The following LYST variants were observed in gnomAD, a reference collection of about 807,000 sequenced individuals.
LYST encodes the protein lysosomal trafficking regulator.
A neutral mutation model predicts 413.6 loss-of-function variants in LYST; 192 were observed. The ratio of observed to expected loss-of-function variants is 0.46; its 90% CI spans 0.41 to 0.52. The LOEUF (loss-of-function observed/expected upper bound fraction) is 0.52, where lower values mean the gene tolerates loss of function less well. Ranked by LOEUF, LYST falls within the 20% of genes least tolerant of loss-of-function variation. The probability of loss-of-function intolerance (pLI) is 0.00; values close to 1 mark genes in which losing one functional copy is unlikely to be tolerated. For synonymous variants in LYST, 1,525 were observed against 1,567.3 expected, an observed-to-expected ratio of 0.97 and a Z score of 0.64; for missense variants, 3,815 against 4,499.9, an observed-to-expected ratio of 0.85 and a Z score of 4.35.
intron 3 of LYST, among the ~76,000 whole-genome samples, chr1:235,817,439 C>G (rs758862332): frequency 1.2e-4 from 19 of 152,160 alleles, no homozygotes; most frequent in Non-Finnish European, 2.5e-4. Context: ...TTCACCACAG[C>G]ACTATTCACA....
intron 31 of LYST, chr1:235,736,058 AT>A (rs1664791173): frequency 6.6e-6 from 1 of 152,166 alleles, no homozygotes; most frequent in Non-Finnish European, 1.5e-5. Context: ...AAATGTTTTT[AT>A]TCATTGTGAA....
chr1:235,670,576 C>T (rs1313282031), intron 50 of LYST, among the ~76,000 whole-genome samples: 2 of 152,050 alleles, frequency 1.3e-5, no homozygotes, highest in Non-Finnish European at 2.9e-5. Context: ...ATGAATATAC[C>T]GAGACTCTCA....
intron 42 of LYST, chr1:235,712,628 A>G: frequency 1.0e-6 from 1 of 985,172 alleles, no homozygotes; most frequent in Non-Finnish European, 1.2e-6. Context: ...ATCAGGAAGC[A>G]TGATTCCTTC....
intron 28 of LYST, among the ~76,000 whole-genome samples, chr1:235,746,893 T>C (rs1665974740): frequency 6.6e-6 from 1 of 152,244 alleles, no homozygotes; most frequent in Non-Finnish European, 1.5e-5. Context: ...AATCAAGTTT[T>C]AATGCACATA....
rs753801553 is a variant in LYST at position 235,808,903 on chromosome 1, T to C, written c.1915A>G (p.Ile639Val). Residue 639 changes from isoleucine (I) to valine (V), a missense_variant, in exon 5 of 53, where the codon ATT becomes GTT. Physicochemically the swap from Ile to Val is conservative, Grantham distance 29 (BLOSUM62 3). Around this residue, in one of 4 missense-constraint regions of LYST, gnomAD observed 1,648 missense variants for 1,810.3 expected, o/e 0.91. Transcript: ENST00000389793. Reference protein sequence around the residue: ...SPKIKKAACNICTVDSDQLAQ... With the variant: ...SPKIKKAACNVCTVDSDQLAQ... ...AGTTGGTCAGAGTCAACAGTACAAATATTACAAGCTGCTTTTTTAATTTTT... is the reference window on the plus strand; with the variant it reads ...AGTTGGTCAGAGTCAACAGTACAAACATTACAAGCTGCTTTTTTAATTTTT... 4.3e-6 allele frequency: 7 copies of C among 1,612,940 alleles called. No homozygotes were observed. The highest frequency in any genetic ancestry group is 3.3e-5 in the South Asian group (3 of 90,990).
chr1:235,855,836 GAAAC>G (rs1350786309), intron 1 of LYST, among the ~76,000 whole-genome samples: 1 of 151,746 alleles, frequency 6.6e-6, no homozygotes. Flanking sequence ...TAATTCTTAA[GAAAC>G]AAAAAAATTA....
rs1660211359 is a variant in LYST at position 235,686,237 on chromosome 1, C to T, written c.10800+712G>A. Among the ~76,000 whole-genome samples, 3 of 152,058 alleles carry T rather than the reference C, an allele frequency of 2.0e-5. No homozygotes were observed. Among genetic ancestry groups the T allele is most frequent in the African/African-American group, 7.2e-5 (3 of 41,408 alleles). On this transcript the variant is annotated intron_variant, in intron 48 of 52. Transcript: ENST00000389793. This position sits in a 1 kb window ranked among gnomAD's most constrained non-coding sequence, Gnocchi z 4.0. ...CAAAACTTGGCCGGGCGTGGTGGCA[C>T]ATGCCTGTGGTCCCAGCTACTCGAG...
At chr1:235,823,206 AGCACC>A (rs912563882) in intron 3 of LYST, among the ~76,000 whole-genome samples, 6 of 152,204 alleles carry the variant, frequency 3.9e-5, no homozygotes, top group African/African-American at 1.4e-4. Context: ...CTCCATGGAT[AGCACC>A]ACTGTCGAGT....
Position 235,810,026 on chromosome 1 carries a change from TA to T in LYST, c.791del (p.Leu264TyrfsTer2). The T allele has an allele frequency of 6.2e-7, 1 of 1,614,012 alleles. No homozygotes were observed. Among genetic ancestry groups the T allele is most frequent in the Middle Eastern group, 1.6e-4 (1 of 6,062 alleles). On this transcript the variant is annotated frameshift_variant, in exon 5 of 53. Transcript: ENST00000389793. LOFTEE classifies it high-confidence loss of function. Reference sequence around the variant, plus strand: ...CGTCAAACTTACAAACTTTTTCTAATAAAGATAACAAAACATGACATAAGTC... The same window carrying T: ...CGTCAAACTTACAAACTTTTTCTAATAAGATAACAAAACATGACATAAGTC... ...PFDLCHVLLS[L>X]LEKVCKFDVT...
Position 235,729,627 on chromosome 1 carries a change from T to G in LYST, c.9075A>C (p.Pro3025=). 5.0e-6 allele frequency: 8 copies of G among 1,611,992 alleles called. No individual in the cohort carries two copies. Among genetic ancestry groups the G allele is most frequent in the Non-Finnish European group, 6.8e-6 (8 of 1,178,254 alleles). The change falls in exon 37 of 53, where the codon CCA becomes CCC. Residue 3025 remains proline, a synonymous_variant. Coordinates refer to ENST00000389793, the MANE Select transcript of LYST (RefSeq NM_000081.4). The stretch of plus-strand genomic sequence containing the variant: ...ACAATTCACCAGCTGTCTCTCTAGA[T>G]GGTGCAACACTGATGCATCTTCGAT... ...RVNRRCISVA[P]SRETAGELLL... is the part of the protein sequence containing the mutation.
At chr1:235,741,838 G>A (rs1317545450) in intron 30 of LYST, among the ~76,000 whole-genome samples, 1 of 152,174 alleles carries the variant, frequency 6.6e-6, no homozygotes, top group African/African-American at 2.4e-5. Flanking sequence ...ACTCAAAATA[G>A]CCAAAAGGTG....
chr1:235,712,704 C>T (rs961851167), intron 42 of LYST: 4 of 984,648 alleles, frequency 4.1e-6, no homozygotes, highest in South Asian at 9.4e-5. Flanking sequence ...CGGGGGGGTG[C>T]GTAGGTTACG....
rs747500733 is a variant in LYST at position 235,746,491 on chromosome 1, A to G, written c.7817T>C (p.Leu2606Pro). The G allele has an allele frequency of 6.2e-7, 1 of 1,613,852 alleles. No individual in the cohort carries two copies. Among genetic ancestry groups the G allele is most frequent in the South Asian group, 1.1e-5 (1 of 91,074 alleles). ...RKFPLAQTES[L>P]LMKMRSVAND... Reference sequence around the variant, plus strand: ...TGCCACTGAACGCATTTTCATCAGAAGCGATTCAGTTTGAGCAAGGGGAAA... The same window carrying G: ...TGCCACTGAACGCATTTTCATCAGAGGCGATTCAGTTTGAGCAAGGGGAAA... The change falls in exon 29 of 53, where the codon CTT (leucine) becomes CCT (proline). Residue 2606 changes from leucine (L) to proline (P), a missense_variant. By Grantham distance (98) the Leu-to-Pro change is moderately conservative (BLOSUM62 -3). Around this residue, in one of 4 missense-constraint regions of LYST, gnomAD observed 771 missense variants for 837.1 expected, o/e 0.92. Coordinates refer to ENST00000389793, the MANE Select transcript of LYST (RefSeq NM_000081.4).
Position 235,686,927 on chromosome 1 carries a change from C to T in LYST, c.10800+22G>A. 6.3e-7 allele frequency: 1 copy of T among 1,576,480 alleles called. No individual in the cohort carries two copies. The highest frequency in any genetic ancestry group is 8.7e-7 in the Non-Finnish European group (1 of 1,145,740). ...CTCATTGACAAAGTCCCATACTACCCACACAGAAGCCCAGAACCTACCGTG... is the reference window on the plus strand; with the variant it reads ...CTCATTGACAAAGTCCCATACTACCTACACAGAAGCCCAGAACCTACCGTG... On this transcript the variant is annotated intron_variant, in intron 48 of 52. Coordinates refer to ENST00000389793, the MANE Select transcript of LYST (RefSeq NM_000081.4). This position sits in a 1 kb window ranked among gnomAD's most constrained non-coding sequence, Gnocchi z 4.0.
In LYST at chr1:235,755,489, G is replaced by T. The variant is rs772826541; in HGVS notation, c.7218C>A (p.Gly2406=). The change falls in exon 25 of 53, where the codon GGC becomes GGA. Residue 2406 remains glycine, a synonymous_variant. Transcript: ENST00000389793. ...AAGAACACACTTACTCTTCATCAAG[G>T]CCAATATGTCGACCAAAGAACATTT... ...FIEMFFGRHI[G]LDEEFDLEDV... 30 of 1,612,998 alleles carry T rather than the reference G, an allele frequency of 1.9e-5. No homozygotes were observed. Among genetic ancestry groups the T allele is most frequent in the Non-Finnish European group, 2.5e-5 (30 of 1,179,158 alleles).
At chr1:235,802,880 A>C in intron 8 of LYST, 28 bp downstream of exon 8, 1 of 1,610,734 alleles carries the variant, frequency 6.2e-7, no homozygotes, top group Non-Finnish European at 8.5e-7. Context: ...TTGCAGATCT[A>C]ATTACAAGCA....
chr1:235,814,033 A>G (rs1673771139), intron 3 of LYST, among the ~76,000 whole-genome samples: 1 of 152,202 alleles, frequency 6.6e-6, no homozygotes, highest in Non-Finnish European at 1.5e-5. Context: ...AAAAGGAGAC[A>G]TATTTGAGAA....
chr1:235,703,186 T>C (rs1457056545), intron 44 of LYST, among the ~76,000 whole-genome samples: 1 of 152,222 alleles, frequency 6.6e-6, no homozygotes, highest in Non-Finnish European at 1.5e-5. Context: ...TCTTGACTGA[T>C]GGTTATAATT....
intron 45 of LYST, among the ~76,000 whole-genome samples, chr1:235,700,284 G>A (rs754073198): frequency 1.3e-5 from 2 of 152,142 alleles, no homozygotes; most frequent in Non-Finnish European, 2.9e-5. Context: ...TACCATCAGA[G>A]TGAACAAGCA....
Sources: gnomAD v4.1 joint callset for allele counts (sites outside exome capture counted in the v4.1 genomes callset) on GRCh38, gnomAD v4.1.1 for gene constraint, gnomAD v4.1.1 regional missense constraint, Gnocchi (gnomAD v3.1) non-coding constraint, MANE v1.5 for transcripts, NCBI Gene and HGNC (gene_info 2026-07-23, HGNC 2026-07-21) for gene names.